The following NAT10 variants were observed in gnomAD, a reference collection of about 807,000 sequenced individuals.
NAT10 encodes N-acetyltransferase 10.
In NAT10, 109 loss-of-function variants were observed where a neutral mutation model predicts 132.2. The observed-to-expected ratio is 0.82, with a 90% confidence interval of 0.71 to 0.97. The LOEUF (loss-of-function observed/expected upper bound fraction) is 0.97, where lower values mean the gene tolerates loss of function less well. NAT10 is among the 50% of genes least tolerant of loss of function. The pLI is 0.00. For missense variants in NAT10, 1,184 were observed against 1,263.4 expected (o/e 0.94, Z 0.95); for synonymous variants, 479 against 478.0 (o/e 1.00, Z -0.03).
Position 34,134,305 on chromosome 11 carries a change from T to G in NAT10, c.1735-14T>G, listed in dbSNP as rs761719292. 6.2e-7 allele frequency: 1 copy of G among 1,612,046 alleles called. No homozygotes were observed. Among genetic ancestry groups the G allele is most frequent in the East Asian group, 2.2e-5 (1 of 44,858 alleles). On this transcript the variant is annotated splice_polypyrimidine_tract_variant and intron_variant, in intron 16 of 28. Transcript: ENST00000257829. ...GTTGGCCTTTCTGCCTGCACTGTCCTGCTTCCCCCACAGGTGTGCCTTGAA... is the reference window on the plus strand; with the variant it reads ...GTTGGCCTTTCTGCCTGCACTGTCCGGCTTCCCCCACAGGTGTGCCTTGAA...
chr11:34,124,330 C>T lies in NAT10; in HGVS notation c.1037C>T (p.Ser346Phe). 6.2e-7 allele frequency: 1 copy of T among 1,613,776 alleles called. No homozygotes were observed. The highest frequency in any genetic ancestry group is 1.1e-5 in the South Asian group (1 of 91,036). ...QEHLDYEIIQ[S>F]LNPEFNKAVI... ...CATCTGGATTATGAGATTATCCAGTCTCTAAATCCTGAATTTAACAAAGCA... is the reference window on the plus strand; with the variant it reads ...CATCTGGATTATGAGATTATCCAGTTTCTAAATCCTGAATTTAACAAAGCA... Residue 346 changes from serine (S) to phenylalanine (F), a missense_variant, in exon 11 of 29, where the codon TCT (serine) becomes TTT (phenylalanine). Physicochemically the swap from Ser to Phe is radical, Grantham distance 155. Transcript: ENST00000257829.
At chr11:34,131,673 C>CA in intron 14 of NAT10, 142 bp downstream of exon 14, 11 of 658,980 alleles carry the variant, frequency 1.7e-5, no homozygotes, top group Non-Finnish European at 2.2e-5. Flanking sequence ...TTTTCTCTTC[C>CA]TTTTTTTTTT....
Position 34,122,590 on chromosome 11 carries a change from T to G in NAT10, c.912T>G (p.Phe304Leu), listed in dbSNP as rs1365435416. 6.2e-7 allele frequency: 1 copy of G among 1,613,978 alleles called. No homozygotes were observed. ...TGGCGATTGCTGGGGCGGTGGCATT[T>G]GGGTAAGGGGATTCAGTCCCCCATC... ...LGLAIAGAVA[F>L]GYSNIFVTSP... The change falls in exon 9 of 29, where the codon TTT becomes TTG. Residue 304 changes from phenylalanine to leucine, a missense_variant and splice_region_variant. Physicochemically the swap from Phe to Leu is conservative, Grantham distance 22 (BLOSUM62 0). Coordinates refer to ENST00000257829, the MANE Select transcript of NAT10 (RefSeq NM_024662.3).
In NAT10 at chr11:34,130,925, A is replaced by G; in HGVS notation, c.1357A>G (p.Arg453Gly). 1 of 1,614,102 alleles carries G rather than the reference A, an allele frequency of 6.2e-7. No individual in the cohort carries two copies. The highest frequency in any genetic ancestry group is 2.2e-5 in the East Asian group (1 of 44,886). Residue 453 changes from arginine to glycine, a missense_variant, in exon 13 of 29, where the codon AGA becomes GGA. Coordinates refer to ENST00000257829, the MANE Select transcript of NAT10 (RefSeq NM_024662.3). ...TAENKTTTTA[R>G]LASARTLYEV... ...TGAGAATAAGACCACGACGACAGCC[A>G]GATTGGCATCAGGTACCCCAGAACC...
chr11:34,123,078 G>A (rs1760204991), intron 9 of NAT10, among the ~76,000 whole-genome samples: 1 of 152,226 alleles, frequency 6.6e-6, no homozygotes, highest in African/African-American at 2.4e-5. Context: ...AATAGAGTAT[G>A]TTCTTCCAAC....
chr11:34,108,899 A>G (rs1404291870), intron 3 of NAT10, 66 bp downstream of exon 3: 4 of 1,417,386 alleles, frequency 2.8e-6, no homozygotes, highest in Non-Finnish European at 3.9e-6. Context: ...AATGCCAGGA[A>G]ATGATTCCTT....
chr11:34,121,631 G>A (rs1851895408), intron 8 of NAT10, among the ~76,000 whole-genome samples: 2 of 152,044 alleles, frequency 1.3e-5, no homozygotes, highest in Non-Finnish European at 2.9e-5. Flanking sequence ...GAAGGCTGAG[G>A]TGAGCGGATC....
chr11:34,113,327 G>A lies in NAT10; in HGVS notation c.373-389G>A, dbSNP rs141002170. 4.3e-3 allele frequency among the ~76,000 whole-genome samples: 659 copies of A among 152,172 alleles called. 4 individuals are homozygous for A. Among genetic ancestry groups the A allele is most frequent in the African/African-American group, 0.015 (619 of 41,500 alleles). The stretch of plus-strand genomic sequence containing the variant: ...ATTTTTGACATATAAAACTAACAAC[G>A]TCTCTAATAAGAGACCCGTTTTTGG... On this transcript the variant is annotated intron_variant, in intron 4 of 28. Coordinates refer to ENST00000257829, the MANE Select transcript of NAT10 (RefSeq NM_024662.3).
chr11:34,123,665 T>C, intron 9 of NAT10, 97 bp from the exon 10 acceptor site: 1 of 932,878 alleles, frequency 1.1e-6, no homozygotes, highest in Non-Finnish European at 1.6e-6. Context: ...GGTTATCACC[T>C]TTGGGACAGG....
rs1851703590 is a variant in NAT10, at chr11:34,112,030, G to A, written c.201-22G>A. ...TGCTCTGGTTAACTGGCTCTCATGG[G>A]ATTGGGGGTGTGTGATTGCAGTCAC... is the stretch of plus-strand genomic sequence containing the variant. On this transcript the variant is annotated intron_variant, in intron 3 of 28. Transcript: ENST00000257829. The A allele has an allele frequency of 1.9e-6, 3 of 1,613,636 alleles. No homozygotes were observed. In the South Asian group the frequency reaches 3.3e-5, roughly 18 times the overall value.
At chr11:34,129,863 C>T (rs576364725) in intron 12 of NAT10, among the ~76,000 whole-genome samples, 1 of 152,102 alleles carries the variant, frequency 6.6e-6, no homozygotes, top group East Asian at 1.9e-4. Flanking sequence ...CCCGCCTCGG[C>T]CTCCCAAAGT....
At chr11:34,115,727 T>C in intron 5 of NAT10, 96 bp from the exon 6 acceptor site, 1 of 1,215,598 alleles carries the variant, frequency 8.2e-7, no homozygotes, top group East Asian at 2.5e-5. Context: ...TCCAGCAAGA[T>C]TGCCCATGTC....
chr11:34,126,415 A>T (rs780938839), intron 11 of NAT10, among the ~76,000 whole-genome samples: 9 of 152,236 alleles, frequency 5.9e-5, no homozygotes, highest in Non-Finnish European at 1.3e-4. Context: ...TTTGTTTTCA[A>T]GATCTATGCA....
chr11:34,108,480 G>A (rs760839809), intron 2 of NAT10, 147 bp downstream of exon 2: 54 of 714,446 alleles, frequency 7.6e-5, no homozygotes, highest in Non-Finnish European at 1.2e-4. Context: ...TTATTTCCTG[G>A]AAGTGGTGAA....
At chr11:34,112,487 A>G (rs111293344) in intron 4 of NAT10, among the ~76,000 whole-genome samples, 1 of 152,260 alleles carries the variant, frequency 6.6e-6, no homozygotes, top group African/African-American at 2.4e-5. Flanking sequence ...CTAACTAGCT[A>G]AAGCTGATAA....
chr11:34,131,218 G>A (rs1463741887), intron 13 of NAT10, among the ~76,000 whole-genome samples, 163 bp from the exon 14 acceptor site: 1 of 152,188 alleles, frequency 6.6e-6, no homozygotes, highest in Non-Finnish European at 1.5e-5. Context: ...GTGGCAAGTT[G>A]AATATCCACC....
chr11:34,136,519 T>C, intron 19 of NAT10, 123 bp from the exon 20 acceptor site: 2 of 1,176,076 alleles, frequency 1.7e-6, no homozygotes, highest in Non-Finnish European at 2.4e-6. Context: ...ACCACAGCAA[T>C]AAACCAAGAA....
intron 23 of NAT10, among the ~76,000 whole-genome samples, chr11:34,140,167 G>T (rs1412314098): frequency 6.6e-6 from 1 of 152,196 alleles, no homozygotes; most frequent in Non-Finnish European, 1.5e-5. Flanking sequence ...CATGTGTTCA[G>T]TATGGGAACT....
intron 3 of NAT10, among the ~76,000 whole-genome samples, chr11:34,109,856 T>G (rs1462182938): frequency 6.6e-6 from 1 of 152,270 alleles, no homozygotes; most frequent in African/African-American, 2.4e-5. Flanking sequence ...TTCTGTTTTC[T>G]GTTGTCCCCC....
Sources: gnomAD v4.1 joint callset for allele counts (sites outside exome capture counted in the v4.1 genomes callset) on GRCh38, gnomAD v4.1.1 for gene constraint, MANE v1.5 for transcripts, NCBI Gene and HGNC (gene_info 2026-07-23, HGNC 2026-07-21) for gene names.